CDCA7L: variants seen among roughly 807,000 people sequenced by gnomAD.
The protein encoded by CDCA7L is cell division cycle-associated 7-like protein.
CDCA7L carries 44 observed loss-of-function variants against 57.4 expected under a neutral mutation model. The observed-to-expected ratio is 0.77, with a 90% CI of 0.60 to 0.98. The LOEUF (loss-of-function observed/expected upper bound fraction) is 0.98, where lower values mean the gene tolerates loss of function less well. Ranked by LOEUF, CDCA7L falls within the 50% of genes least tolerant of loss-of-function variation. The pLI, the probability that CDCA7L is intolerant of heterozygous loss-of-function variation, is 0.00. For missense variants in CDCA7L, 644 were observed against 580.6 expected, an observed-to-expected ratio of 1.11 and a Z score of -1.12; for synonymous variants, 236 against 202.8, an observed-to-expected ratio of 1.16 and a Z score of -1.39.
chr7:21,911,943 A>C (rs1369348103), intron 2 of CDCA7L, among the ~76,000 whole-genome samples, 189 bp from the exon 3 acceptor site: 3 of 150,466 alleles, frequency 2.0e-5, no homozygotes, highest in African/African-American at 7.3e-5. Context: ...GATATACTTC[A>C]TGTTATGTGT....
chr7:21,912,349 T>G (rs575935462), intron 2 of CDCA7L, among the ~76,000 whole-genome samples: 1 of 152,210 alleles, frequency 6.6e-6, no homozygotes, highest in South Asian at 2.1e-4. Context: ...TTTCTAAAGC[T>G]TACAAAATTC....
intron 7 of CDCA7L, among the ~76,000 whole-genome samples, chr7:21,905,246 T>C (rs1366232067): frequency 2.6e-5 from 4 of 152,100 alleles, no homozygotes; most frequent in Admixed American, 6.5e-5. Flanking sequence ...CAGTTACATA[T>C]AAAAATCCCT....
Position 21,906,437 on chromosome 7 carries a change from C to G in CDCA7L, c.773G>C (p.Arg258Pro). The G allele has an allele frequency of 2.5e-6, 4 of 1,610,224 alleles. No homozygotes were observed. The highest frequency in any genetic ancestry group is 2.2e-5 in the East Asian group (1 of 44,788). The change falls in exon 6 of 10, where the codon CGG becomes CCG. Residue 258 changes from arginine (R) to proline (P), a missense_variant. Arg to Pro is a moderately radical substitution (Grantham distance 103, BLOSUM62 -2). Transcript: ENST00000406877. ...CGTGATCTGTCCCTCCGAGAAGGCC[C>G]GCCTCACTGTCTTCTTCCTCTGAAA... is the stretch of plus-strand genomic sequence containing the variant. ...TSASRKKTVR[R>P]AFSEGQITRR...
intron 6 of CDCA7L, 130 bp downstream of exon 6, chr7:21,906,159 G>A (rs1315864049): frequency 1.2e-6 from 1 of 822,630 alleles, no homozygotes; most frequent in Non-Finnish European, 1.9e-6. Flanking sequence ...GAAGCAGAGA[G>A]AAATGCAAGT....
Position 21,901,374 on chromosome 7 carries a change from TTCAACGCTATCC to T in CDCA7L, c.*936_*947del. On this transcript the variant is annotated 3_prime_UTR_variant, in exon 10 of 10. Coordinates refer to ENST00000406877, the MANE Select transcript of CDCA7L (RefSeq NM_018719.5). ...TAGTAACTCACACGTGCATTCTTTT[TTCAACGCTATCC>T]TTAGAGTGAAAGTCAGAAAAAAATA... is the stretch of plus-strand genomic sequence containing the variant. The T allele has an allele frequency of 7.5e-7, 1 of 1,326,314 alleles. No homozygotes were observed. Among genetic ancestry groups the T allele is most frequent in the Non-Finnish European group, 9.8e-7 (1 of 1,018,722 alleles). 82.2% of individuals were successfully genotyped at this position (1,326,314 alleles called of 1,614,324 possible).
chr7:21,937,842 G>T (rs537016375), intron 1 of CDCA7L, among the ~76,000 whole-genome samples: 116 of 152,232 alleles, frequency 7.6e-4, no homozygotes, highest in African/African-American at 2.4e-3. Flanking sequence ...CAAGAATAAT[G>T]GCAAAGAACA....
chr7:21,936,044 A>G (rs1301659606), intron 1 of CDCA7L, among the ~76,000 whole-genome samples: 1 of 152,156 alleles, frequency 6.6e-6, no homozygotes, highest in Non-Finnish European at 1.5e-5. Context: ...GGATTTTAAG[A>G]GTACTATAAA....
In CDCA7L at chr7:21,906,376, A is replaced by G. The variant is rs1305092707; in HGVS notation, c.834T>C (p.Pro278=). 1 of 1,613,896 alleles carries G rather than the reference A, an allele frequency of 6.2e-7. No individual in the cohort carries two copies. The highest frequency in any genetic ancestry group is 1.7e-5 in the Admixed American group (1 of 59,988). ...TGAAGTTCTCTAGAGCAAACTTCTC[A>G]GGAGGCCGCGCACTCCGGGTTGGGT... ...RMNPTRSARP[P]EKFALENFTV... Residue 278 remains proline (P), a synonymous_variant, in exon 6 of 10, where the codon CCT becomes CCC. Coordinates refer to ENST00000406877, the MANE Select transcript of CDCA7L (RefSeq NM_018719.5).
intron 1 of CDCA7L, among the ~76,000 whole-genome samples, chr7:21,934,138 T>C (rs146890233): frequency 1.3e-5 from 2 of 152,310 alleles, no homozygotes; most frequent in East Asian, 3.9e-4. Flanking sequence ...GGTAAATACA[T>C]GGACAAATAT....
chr7:21,945,879 A>G lies in CDCA7L; in HGVS notation c.-75T>C, dbSNP rs1045338146. Reference sequence around the variant, plus strand: ...CGGACTCACCACGGCCCGGCGCACCAAGAACGCCCCGCGCCCGAGCAGCTA... The same window carrying G: ...CGGACTCACCACGGCCCGGCGCACCGAGAACGCCCCGCGCCCGAGCAGCTA... On this transcript the variant is annotated 5_prime_UTR_variant, in exon 1 of 10. Transcript: ENST00000406877. 3.6e-5 allele frequency: 54 copies of G among 1,497,936 alleles called. No individual in the cohort carries two copies. In the African/African-American group the frequency reaches 7.2e-4, roughly 20 times the overall value. 92.8% of individuals were successfully genotyped at this position (1,497,936 alleles called of 1,614,324 possible).
At chr7:21,930,649 G>T (rs1337554231) in intron 1 of CDCA7L, among the ~76,000 whole-genome samples, 1 of 118,682 alleles carries the variant, frequency 8.4e-6, no homozygotes, top group African/African-American at 3.3e-5. Context: ...AGTGAGCCAA[G>T]ATTACGCCAT....
At chr7:21,905,754 T>A in intron 6 of CDCA7L, 123 bp from the exon 7 acceptor site, 1 of 1,105,678 alleles carries the variant, frequency 9.0e-7, no homozygotes, top group Non-Finnish European at 1.2e-6. Flanking sequence ...TCTATTTCCC[T>A]GCAGCCATTT....
At chr7:21,902,563 C>G in intron 9 of CDCA7L, 3 of 499,340 alleles carry the variant, frequency 6.0e-6, no homozygotes, top group South Asian at 2.5e-5. Context: ...ATTCCAGAAC[C>G]ACGATTCAGA....
chr7:21,935,012 G>A (rs1786122644), intron 1 of CDCA7L, among the ~76,000 whole-genome samples: 1 of 152,082 alleles, frequency 6.6e-6, no homozygotes, highest in Non-Finnish European at 1.5e-5. Flanking sequence ...GAACAAGACA[G>A]AGCAATAAGG....
chr7:21,909,429 C>T (rs944380742), intron 3 of CDCA7L, among the ~76,000 whole-genome samples: 3 of 152,010 alleles, frequency 2.0e-5, no homozygotes, highest in South Asian at 4.2e-4. Flanking sequence ...GGCACCGATA[C>T]GGACCCAGGA....
chr7:21,930,430 C>T (rs909534782), intron 1 of CDCA7L, among the ~76,000 whole-genome samples: 11 of 152,068 alleles, frequency 7.2e-5, no homozygotes, highest in Admixed American at 1.3e-4. Context: ...GGTGCAGTGG[C>T]TCTCGCCTGT....
At chr7:21,910,162 T>C (rs1785271087) in intron 3 of CDCA7L, among the ~76,000 whole-genome samples, 1 of 152,192 alleles carries the variant, frequency 6.6e-6, no homozygotes, top group South Asian at 2.1e-4. Context: ...ATGCAAATGC[T>C]TCGAATAACC....
Position 21,908,281 on chromosome 7 carries a change from T to G in CDCA7L, c.530A>C (p.Lys177Thr). Residue 177 changes from lysine (K) to threonine (T), a missense_variant, in exon 4 of 10, where the codon AAA (lysine) becomes ACA (threonine). Transcript: ENST00000406877. ...FSSARLQNEK[K>T]TILERKKDCR... ...GTCTTTCTTTCTTTCAAGAATTGTT[T>G]TTTTCTCATTCTGTAAGCGTGCGCT... is the stretch of plus-strand genomic sequence containing the variant. 1 of 1,613,410 alleles carries G rather than the reference T, an allele frequency of 6.2e-7. No individual in the cohort carries two copies. Among genetic ancestry groups the G allele is most frequent in the Non-Finnish European group, 8.5e-7 (1 of 1,179,824 alleles).
At chr7:21,944,733 G>T (rs1036004275) in intron 1 of CDCA7L, 1 of 152,034 alleles carries the variant, frequency 6.6e-6, no homozygotes, top group Non-Finnish European at 1.5e-5. Flanking sequence ...GTTTGGGCTC[G>T]GGCGCCGGGC....
Sources: gnomAD v4.1 joint callset for allele counts (sites outside exome capture counted in the v4.1 genomes callset) on GRCh38, gnomAD v4.1.1 for gene constraint, MANE v1.5 for transcripts, NCBI Gene and HGNC (gene_info 2026-07-23, HGNC 2026-07-21) for gene names.